Variants in TTC23L observed in about 807,000 individuals in gnomAD.
TTC23L encodes the protein tetratricopeptide repeat protein 23-like.
TTC23L carries 42 observed loss-of-function variants against 48.1 expected under a neutral mutation model. The observed-to-expected ratio is 0.87, with a 90% CI of 0.68 to 1.13. The LOEUF (loss-of-function observed/expected upper bound fraction) is 1.13. Among genes scored for constraint, TTC23L ranks in the 50% most tolerant of loss-of-function variants. TTC23L has a pLI of 0.00. For missense variants in TTC23L, 391 were observed against 421.0 expected, an observed-to-expected ratio of 0.93 and a Z score of 0.62; for synonymous variants, 159 against 157.2, an observed-to-expected ratio of 1.01 and a Z score of -0.09.
intron 9 of TTC23L, among the ~76,000 whole-genome samples, chr5:34,894,412 T>G (rs1763074544): frequency 6.6e-6 from 1 of 152,080 alleles, no homozygotes. Context: ...GGGCTAAAAA[T>G]ATGAAAAGTA....
chr5:34,916,120 G>C, the TTC23L span: 1 of 442,886 alleles, frequency 2.3e-6, no homozygotes, highest in Non-Finnish European at 3.9e-6. Context: ...ACCTTTACCC[G>C]GCCCACGGGG....
At chr5:34,909,374 C>A in the TTC23L span, 1 of 1,488,482 alleles carries the variant, frequency 6.7e-7, no homozygotes, top group Non-Finnish European at 9.3e-7. Context: ...AAATGATTAC[C>A]TCATTTATTC....
intron 9 of TTC23L, among the ~76,000 whole-genome samples, chr5:34,895,238 C>A (rs1763137766): frequency 6.6e-6 from 1 of 152,202 alleles, no homozygotes; most frequent in South Asian, 2.1e-4. Flanking sequence ...CCAGGCTCTA[C>A]CACTTTCTAT....
the TTC23L span, chr5:34,908,681 T>C: frequency 8.0e-7 from 1 of 1,249,858 alleles, no homozygotes; most frequent in Non-Finnish European, 1.1e-6. Context: ...GAAAATCCAA[T>C]ATGAAATGAC....
chr5:34,846,657 ATATGTGTGTATGTG>A (rs1485071722), intron 3 of TTC23L, among the ~76,000 whole-genome samples: 3 of 100,270 alleles, frequency 3.0e-5, no homozygotes, highest in African/African-American at 1.1e-4. Flanking sequence ...ACAAATACAT[ATATGTGTGTATGTG>A]TGTGTGTGTG....
intron 9 of TTC23L, among the ~76,000 whole-genome samples, chr5:34,886,375 A>AC (rs1762542618): frequency 6.6e-6 from 1 of 151,816 alleles, no homozygotes; most frequent in African/African-American, 2.4e-5. Flanking sequence ...AAAAAAAAAA[A>AC]AAAAAAAACG....
chr5:34,896,170 C>G (rs1293006951), intron 9 of TTC23L, among the ~76,000 whole-genome samples: 1 of 152,182 alleles, frequency 6.6e-6, no homozygotes, highest in African/African-American at 2.4e-5. Context: ...CCACAGTGAG[C>G]CAGCTCAGTG....
At chr5:34,920,785 TCC>T in the TTC23L span, 1 of 152,046 alleles carries the variant, frequency 6.6e-6, no homozygotes, top group African/African-American at 2.4e-5. Context: ...GGCACAAACT[TCC>T]TATTTTTGTG....
the TTC23L span, chr5:34,906,201 C>G: frequency 1.3e-5 from 2 of 152,136 alleles, no homozygotes; most frequent in African/African-American, 4.8e-5. Flanking sequence ...AGATGATCCC[C>G]CTGCCTCGGC....
chr5:34,911,804 T>A, the TTC23L span: 3 of 1,614,076 alleles, frequency 1.9e-6, no homozygotes, highest in Non-Finnish European at 8.5e-7. Context: ...CGAAGTGCAG[T>A]TAAAGTCCCT....
chr5:34,905,547 G>A, the TTC23L span: 1 of 151,318 alleles, frequency 6.6e-6, no homozygotes, highest in Non-Finnish European at 1.5e-5. Flanking sequence ...ATCAATTCTC[G>A]GTGGAAGCAC....
chr5:34,840,044 ACCACAGCC>A (rs1399430411), intron 1 of TTC23L, among the ~76,000 whole-genome samples: 2 of 152,158 alleles, frequency 1.3e-5, no homozygotes, highest in African/African-American at 4.8e-5. Context: ...GGCGTGCACC[ACCACAGCC>A]GACTATATTT....
the TTC23L span, chr5:34,913,339 C>T: frequency 2.1e-6 from 1 of 477,526 alleles, no homozygotes; most frequent in Non-Finnish European, 3.8e-6. Context: ...TGTTAGAACC[C>T]ATGACTGTGG....
Position 34,859,992 on chromosome 5 carries a change from C to T in TTC23L, c.380-2906C>T, listed in dbSNP as rs980124349. Among the ~76,000 whole-genome samples, 4 of 151,498 alleles carry T rather than the reference C, an allele frequency of 2.6e-5. No homozygotes were observed. The East Asian group carries it at 5.8e-4, about 22-fold the overall frequency. ...CAGAGTAGCTGGGACTACAGGCGCC[C>T]GCCACCACGCCTGGCTAATTTTTTG... On this transcript the variant is annotated intron_variant, in intron 4 of 10. Transcript: ENST00000505624.
chr5:34,915,871 G>A, the TTC23L span: 10 of 1,561,062 alleles, frequency 6.4e-6, no homozygotes, highest in Admixed American at 3.9e-5. Context: ...AGAAGAGAGG[G>A]ACCGGATCCC....
At chr5:34,881,290 C>A (rs1373890218) in intron 9 of TTC23L, among the ~76,000 whole-genome samples, 1 of 152,238 alleles carries the variant, frequency 6.6e-6, no homozygotes, top group African/African-American at 2.4e-5. Flanking sequence ...TTTTTATTAG[C>A]CACAATCTTG....
intron 10 of TTC23L, among the ~76,000 whole-genome samples, chr5:34,898,879 C>A (rs548889291): frequency 1.2e-4 from 19 of 152,208 alleles, no homozygotes; most frequent in Non-Finnish European, 2.2e-4. Flanking sequence ...GTTTCTGGAG[C>A]AGTCTTTTGG....
chr5:34,923,674 T>G, the TTC23L span, among the ~76,000 whole-genome samples: 4 of 152,084 alleles, frequency 2.6e-5, no homozygotes, highest in Admixed American at 2.6e-4. Context: ...CTTGAGTAGG[T>G]GGGATTGCAG....
intron 8 of TTC23L, 117 bp from the exon 9 acceptor site, chr5:34,880,064 C>G: frequency 7.8e-7 from 1 of 1,283,498 alleles, no homozygotes; most frequent in Non-Finnish European, 1.1e-6. Context: ...CCTTATGAGA[C>G]CTGGCTTGAG....
Sources: gnomAD v4.1 joint callset for allele counts (sites outside exome capture counted in the v4.1 genomes callset) on GRCh38, gnomAD v4.1.1 for gene constraint, MANE v1.5 for transcripts, NCBI Gene and HGNC (gene_info 2026-07-23, HGNC 2026-07-21) for gene names.